The following PRKN variants were observed in gnomAD, a reference collection of about 807,000 sequenced individuals.
The protein encoded by PRKN is E3 ubiquitin-protein ligase parkin.
PRKN carries 56 observed loss-of-function variants against 59.5 expected under a neutral mutation model. The ratio of observed to expected loss-of-function variants is 0.94; its 90% confidence interval spans 0.76 to 1.18. The LOEUF (loss-of-function observed/expected upper bound fraction) is 1.18, where lower values mean the gene tolerates loss of function less well. PRKN is among the 50% of genes most tolerant of loss of function. PRKN has a pLI of 0.00. For synonymous variants in PRKN, 250 were observed against 222.1 expected (o/e 1.13, Z -1.12); for missense variants, 657 against 596.4 (o/e 1.10, Z -1.06).
chr6:162,416,121 T>C (rs1047871514), intron 2 of PRKN, among the ~76,000 whole-genome samples: 1 of 152,214 alleles, frequency 6.6e-6, no homozygotes, highest in Non-Finnish European at 1.5e-5. Context: ...CTTGTGGACA[T>C]TTGTGCTAAT....
intron 2 of PRKN, chr6:162,269,945 A>G (rs1246672719): frequency 6.6e-6 from 1 of 152,154 alleles, no homozygotes; most frequent in Non-Finnish European, 1.5e-5. Context: ...TACAGCCACT[A>G]CAGAAAATAG....
At chr6:161,477,799 T>C (rs1791181837) in intron 9 of PRKN, among the ~76,000 whole-genome samples, 1 of 152,202 alleles carries the variant, frequency 6.6e-6, no homozygotes, top group Non-Finnish European at 1.5e-5. Context: ...GTAGCAAATA[T>C]ATTGAAGACG....
chr6:161,880,598 C>T (rs963391932), intron 6 of PRKN, among the ~76,000 whole-genome samples: 11 of 152,162 alleles, frequency 7.2e-5, no homozygotes, highest in African/African-American at 2.7e-4. Flanking sequence ...AGCACCGGCC[C>T]ACGAGGTGGG....
At chr6:162,257,419 T>A (rs1779687198) in intron 3 of PRKN, among the ~76,000 whole-genome samples, 1 of 152,200 alleles carries the variant, frequency 6.6e-6, no homozygotes, top group Non-Finnish European at 1.5e-5. Context: ...AGGTCCATTT[T>A]AAGACTATAT....
intron 6 of PRKN, among the ~76,000 whole-genome samples, chr6:161,886,501 A>T (rs1043231483): frequency 1.3e-5 from 2 of 152,124 alleles, no homozygotes; most frequent in Admixed American, 6.6e-5. Flanking sequence ...GTTTGAGACC[A>T]GCCTGACCAA....
At position 161,554,034 on chromosome 6, in the gene PRKN, A is replaced by G. The variant is rs1256152279; in HGVS notation, c.934-5031T>C. On this transcript the variant is annotated intron_variant, in intron 8 of 11. Transcript: ENST00000366898. This position sits in a 1 kb window ranked among gnomAD's most constrained non-coding sequence, Gnocchi z 4.5. ...CATGTTCAGTGCTCCTAAGTTAGTC[A>G]TTGTTTCTAAGTCCTCTCAGTTCTC... Among the ~76,000 whole-genome samples the G allele has an allele frequency of 1.3e-5, 2 of 152,166 alleles. No individual in the cohort carries two copies. Among genetic ancestry groups the G allele is most frequent in the East Asian group, 1.9e-4 (1 of 5,188 alleles).
rs1046628062 is a variant in PRKN at position 162,361,550 on chromosome 6, T to G, written c.171+81760A>C. Reference sequence around the variant, plus strand: ...ACTCAGAGAACTAAACATGTGCGTTTAAGTGCCCAGTCTATGAGACTTTCT... The same window carrying G: ...ACTCAGAGAACTAAACATGTGCGTTGAAGTGCCCAGTCTATGAGACTTTCT... On this transcript the variant is annotated intron_variant, in intron 2 of 11. Transcript: ENST00000366898. Among the ~76,000 whole-genome samples, 3 of 152,146 alleles carry G rather than the reference T, an allele frequency of 2.0e-5. No homozygotes were observed. In the South Asian group the frequency reaches 6.2e-4, roughly 32 times the overall value.
At chr6:162,608,496 T>G (rs1782010585) in intron 1 of PRKN, among the ~76,000 whole-genome samples, 1 of 152,168 alleles carries the variant, frequency 6.6e-6, no homozygotes, top group Non-Finnish European at 1.5e-5. Flanking sequence ...TCAACTCTTC[T>G]GTGAGCAAGA....
intron 5 of PRKN, among the ~76,000 whole-genome samples, chr6:162,012,046 TGC>T (rs1044698196): frequency 1.6e-4 from 24 of 152,122 alleles, no homozygotes; most frequent in African/African-American, 5.8e-4. Context: ...ATGCTTTCCA[TGC>T]ATTGTTAAAT....
Position 161,429,866 on chromosome 6 carries a change from G to T in PRKN, c.1084-42989C>A, listed in dbSNP as rs866545066. ...TTGTCAGGAACTGTGAAGGATCCAA[G>T]ATTTTGCTTTCTTTGCAAGCTAACA... On this transcript the variant is annotated intron_variant, in intron 9 of 11. Transcript: ENST00000366898. The surrounding 1 kb of genome is among the most constrained non-coding windows in gnomAD (Gnocchi z 4.2). 6.6e-6 allele frequency among the ~76,000 whole-genome samples: 1 copy of T among 152,202 alleles called. No individual in the cohort carries two copies.
chr6:162,365,373 T>C (rs1311849116), intron 2 of PRKN, among the ~76,000 whole-genome samples: 15 of 152,196 alleles, frequency 9.9e-5, no homozygotes, highest in Admixed American at 9.8e-4. Context: ...GATGATTATA[T>C]TCAGTAATGT....
chr6:162,675,010 C>T (rs1434606402), intron 1 of PRKN, among the ~76,000 whole-genome samples: 3 of 150,166 alleles, frequency 2.0e-5, no homozygotes, highest in African/African-American at 7.4e-5. Flanking sequence ...TTTGGGGCGG[C>T]AGAGAAAGAA....
intron 2 of PRKN, among the ~76,000 whole-genome samples, chr6:162,426,647 A>C (rs1199319351): frequency 6.6e-6 from 1 of 152,126 alleles, no homozygotes; most frequent in Non-Finnish European, 1.5e-5. Flanking sequence ...GGGTTTCACC[A>C]TGTTGCCCAG....
chr6:162,662,092 CT>C (rs35779144), intron 1 of PRKN, among the ~76,000 whole-genome samples: 13,099 of 147,312 alleles, frequency 0.089, 705 homozygotes, highest in Middle Eastern at 0.19. Flanking sequence ...ATGAAGGTAT[CT>C]TTTTTTTTTT....
At position 161,473,819 on chromosome 6, in the gene PRKN, T is replaced by C. The variant is rs1047688324; in HGVS notation, c.1083+75035A>G. ...CACTATGTATAAATATATCAAAATA[T>C]GTTGTACACCTTAACTATATATAAT... is the stretch of plus-strand genomic sequence containing the variant. On this transcript the variant is annotated intron_variant, in intron 9 of 11. Coordinates refer to ENST00000366898, the MANE Select transcript of PRKN (RefSeq NM_004562.3). The surrounding 1 kb of genome is among the most constrained non-coding windows in gnomAD (Gnocchi z 4.1). 3.9e-5 allele frequency among the ~76,000 whole-genome samples: 6 copies of C among 152,176 alleles called. No individual in the cohort carries two copies. The highest frequency in any genetic ancestry group is 6.5e-5 in the Admixed American group (1 of 15,280).
Position 161,448,470 on chromosome 6 carries a change from CG to C in PRKN, c.1084-61594del, listed in dbSNP as rs1021940736. Among the ~76,000 whole-genome samples, 1 of 152,108 alleles carries C rather than the reference CG, an allele frequency of 6.6e-6. No individual in the cohort carries two copies. Among genetic ancestry groups the C allele is most frequent in the Admixed American group, 6.5e-5 (1 of 15,270 alleles). Reference sequence around the variant, plus strand: ...CACATCTTAGATTTAATGCTGATTTCGGGGGGCATTTTTGCTTCAAATTTGT... The same window carrying C: ...CACATCTTAGATTTAATGCTGATTTCGGGGGCATTTTTGCTTCAAATTTGT... On this transcript the variant is annotated intron_variant, in intron 9 of 11. Coordinates refer to ENST00000366898, the MANE Select transcript of PRKN (RefSeq NM_004562.3). This position sits in a 1 kb window ranked among gnomAD's most constrained non-coding sequence, Gnocchi z 5.1.
intron 9 of PRKN, among the ~76,000 whole-genome samples, chr6:161,481,007 C>T (rs992029220): frequency 1.1e-4 from 16 of 152,196 alleles, no homozygotes; most frequent in South Asian, 8.3e-4. Context: ...GCACGAGACG[C>T]GGGCTCCAGG....
intron 6 of PRKN, among the ~76,000 whole-genome samples, chr6:161,968,987 A>G (rs918164038): frequency 2.4e-4 from 37 of 152,334 alleles, no homozygotes; most frequent in Non-Finnish European, 4.9e-4. Context: ...GCCAGTGAGA[A>G]ATTCTTGTAT....
intron 6 of PRKN, among the ~76,000 whole-genome samples, chr6:161,822,660 A>AGTG (rs1251197152): frequency 3.3e-5 from 5 of 152,134 alleles, no homozygotes; most frequent in South Asian, 4.2e-4. Context: ...TGGGCAACAG[A>AGTG]GTGAAACGCT....
Sources: gnomAD v4.1 joint callset for allele counts (sites outside exome capture counted in the v4.1 genomes callset) on GRCh38, gnomAD v4.1.1 for gene constraint, Gnocchi (gnomAD v3.1) non-coding constraint, MANE v1.5 for transcripts, NCBI Gene and HGNC (gene_info 2026-07-23, HGNC 2026-07-21) for gene names.